The following GRM5 variants were observed in gnomAD, a reference collection of about 807,000 sequenced individuals.
The protein encoded by GRM5 is glutamate metabotropic receptor 5.
In GRM5, 19 loss-of-function variants were observed where a neutral mutation model predicts 83.1. The observed-to-expected ratio is 0.23, with a 90% CI of 0.16 to 0.34. The LOEUF (loss-of-function observed/expected upper bound fraction) is 0.34. GRM5 is among the 10% of genes least tolerant of loss of function. The probability of loss-of-function intolerance (pLI) is 1.00; values close to 1 mark genes in which losing one functional copy is unlikely to be tolerated. For missense variants in GRM5, 1,160 were observed against 1,588.3 expected (o/e 0.73, Z 4.58); for synonymous variants, 675 against 633.6 (o/e 1.07, Z -0.98).
chr11:88,668,771 T>C (rs1940116752), intron 3 of GRM5, among the ~76,000 whole-genome samples: 1 of 152,212 alleles, frequency 6.6e-6, no homozygotes, highest in Admixed American at 6.5e-5. Context: ...CTTGCAGAAC[T>C]GAAACTTTGT....
chr11:88,643,739 A>G (rs1419804826), intron 4 of GRM5, among the ~76,000 whole-genome samples: 1 of 143,684 alleles, frequency 7.0e-6, no homozygotes, highest in East Asian at 2.1e-4. Flanking sequence ...CTCTCTCCCA[A>G]GCAATTCTTT....
intron 2 of GRM5, among the ~76,000 whole-genome samples, chr11:88,932,110 G>A (rs1937727998): frequency 6.6e-6 from 1 of 152,062 alleles, no homozygotes; most frequent in Non-Finnish European, 1.5e-5. Context: ...GTATAGACCA[G>A]CATGGGATTA....
chr11:88,980,098 G>A (rs1471089516), intron 2 of GRM5, among the ~76,000 whole-genome samples: 1 of 152,114 alleles, frequency 6.6e-6, no homozygotes, highest in Non-Finnish European at 1.5e-5. Context: ...GCGGAGGTTG[G>A]ATTTTGCAGA....
intron 2 of GRM5, among the ~76,000 whole-genome samples, chr11:88,935,978 T>A (rs1937879354): frequency 6.6e-6 from 1 of 151,876 alleles, no homozygotes; most frequent in Non-Finnish European, 1.5e-5. Flanking sequence ...CAAGAATAAA[T>A]CTATTTTAAT....
At chr11:88,734,645 T>A (rs991806430) in intron 3 of GRM5, among the ~76,000 whole-genome samples, 1 of 152,094 alleles carries the variant, frequency 6.6e-6, no homozygotes, top group African/African-American at 2.4e-5. Flanking sequence ...TTGGTTACAG[T>A]TACTTAACAT....
intron 7 of GRM5, among the ~76,000 whole-genome samples, chr11:88,577,108 T>A (rs929081054): frequency 3.3e-5 from 5 of 151,478 alleles, no homozygotes; most frequent in Non-Finnish European, 7.4e-5. Flanking sequence ...TACCCTTGAT[T>A]TTTTTTTTCC....
chr11:88,827,080 A>G (rs888271369), intron 3 of GRM5, among the ~76,000 whole-genome samples: 1 of 152,158 alleles, frequency 6.6e-6, no homozygotes, highest in Non-Finnish European at 1.5e-5. Context: ...TAAATAAGCA[A>G]TTTGTACAAA....
At chr11:88,555,549 C>CT (rs35590452) in intron 8 of GRM5, among the ~76,000 whole-genome samples, 1 of 152,224 alleles carries the variant, frequency 6.6e-6, no homozygotes. Context: ...TGTGGTCTCT[C>CT]TTTTTTCTCA....
chr11:89,042,678 G>T (rs1440613236), intron 2 of GRM5, among the ~76,000 whole-genome samples: 3 of 152,072 alleles, frequency 2.0e-5, no homozygotes, highest in African/African-American at 7.2e-5. Flanking sequence ...AAATTGTCTT[G>T]TGTAATGATA....
intron 2 of GRM5, chr11:88,985,008 T>C (rs1323815275): frequency 6.0e-6 from 3 of 499,766 alleles, no homozygotes; most frequent in Non-Finnish European, 1.1e-5. Flanking sequence ...TTTACTCCAT[T>C]CCACTTAATC....
At chr11:88,534,708 A>G (rs1169256848) in intron 8 of GRM5, among the ~76,000 whole-genome samples, 1 of 152,206 alleles carries the variant, frequency 6.6e-6, no homozygotes, top group African/African-American at 2.4e-5. Flanking sequence ...TGGTTTTGAA[A>G]TGTGAAGTTA....
At chr11:88,553,211 G>T (rs898325115) in intron 8 of GRM5, among the ~76,000 whole-genome samples, 1 of 152,300 alleles carries the variant, frequency 6.6e-6, no homozygotes, top group Non-Finnish European at 1.5e-5. Flanking sequence ...AGGGAAAAGT[G>T]CTTGCTAGTC....
intron 3 of GRM5, among the ~76,000 whole-genome samples, chr11:88,732,831 T>C (rs950635205): frequency 6.6e-6 from 1 of 151,978 alleles, no homozygotes; most frequent in Non-Finnish European, 1.5e-5. Context: ...TAGATAGAAA[T>C]CATTCTGCCC....
At chr11:89,011,502 A>C (rs1940698007) in intron 2 of GRM5, among the ~76,000 whole-genome samples, 1 of 152,210 alleles carries the variant, frequency 6.6e-6, no homozygotes, top group Admixed American at 6.5e-5. Context: ...CTGCTAAAGA[A>C]TGCTTCAGCT....
intron 4 of GRM5, among the ~76,000 whole-genome samples, chr11:88,626,818 C>CA (rs1185025747): frequency 1.1e-4 from 17 of 152,048 alleles, no homozygotes; most frequent in African/African-American, 2.9e-4. Context: ...AAAGAAGATA[C>CA]AAAAAAAATT....
intron 3 of GRM5, among the ~76,000 whole-genome samples, chr11:88,671,569 T>C (rs1940194733): frequency 6.6e-6 from 1 of 152,032 alleles, no homozygotes; most frequent in South Asian, 2.1e-4. Context: ...TTTATTTATA[T>C]AATACAGTAG....
intron 3 of GRM5, among the ~76,000 whole-genome samples, chr11:88,719,043 A>T (rs1993843): frequency 6.6e-6 from 1 of 151,580 alleles, no homozygotes. Flanking sequence ...TTTCTCCTTA[A>T]CATTTATTAT....
At chr11:88,524,867 G>T (rs1941827268) in intron 9 of GRM5, among the ~76,000 whole-genome samples, 1 of 152,222 alleles carries the variant, frequency 6.6e-6, no homozygotes, top group African/African-American at 2.4e-5. Context: ...TTCCAGGCTT[G>T]TCCAGGATCA....
chr11:88,999,861 A>G (rs1017761966), intron 2 of GRM5, among the ~76,000 whole-genome samples: 3 of 152,206 alleles, frequency 2.0e-5, no homozygotes, highest in East Asian at 1.9e-4. Flanking sequence ...ATGATAGACT[A>G]GATTAAGAAA....
Sources: gnomAD v4.1 joint callset for allele counts (sites outside exome capture counted in the v4.1 genomes callset) on GRCh38, gnomAD v4.1.1 for gene constraint, MANE v1.5 for transcripts, NCBI Gene and HGNC (gene_info 2026-07-23, HGNC 2026-07-21) for gene names.